TBC1D8: variants seen among roughly 807,000 people sequenced by gnomAD.
TBC1D8 encodes TBC1 domain family member 8.
Under a neutral mutation model 118.8 loss-of-function variants are expected in TBC1D8, and 65 were observed. The observed-to-expected ratio is 0.55, with a 90% confidence interval of 0.45 to 0.67. The LOEUF (loss-of-function observed/expected upper bound fraction) is 0.67. TBC1D8 is among the 30% of genes least tolerant of loss of function. The pLI, the probability that TBC1D8 is intolerant of heterozygous loss-of-function variation, is 0.00. For missense variants in TBC1D8, 1,376 were observed against 1,471.2 expected (o/e 0.94, Z 1.06); for synonymous variants, 566 against 595.8 (o/e 0.95, Z 0.73).
intron 1 of TBC1D8, among the ~76,000 whole-genome samples, chr2:101,150,207 C>A (rs1315028809): frequency 6.6e-6 from 1 of 152,182 alleles, no homozygotes; most frequent in Non-Finnish European, 1.5e-5. Context: ...GCAGAAAGAG[C>A]CGCCAACCAC....
chr2:101,111,188 T>C (rs1677563588), intron 1 of TBC1D8, among the ~76,000 whole-genome samples: 1 of 152,174 alleles, frequency 6.6e-6, no homozygotes, highest in Non-Finnish European at 1.5e-5. Context: ...TTGAATATTG[T>C]TTTTACAAAG....
intron 2 of TBC1D8, among the ~76,000 whole-genome samples, chr2:101,075,667 C>T (rs1674765686): frequency 6.6e-6 from 1 of 152,154 alleles, no homozygotes; most frequent in African/African-American, 2.4e-5. Flanking sequence ...TTCTCCTTTG[C>T]ACCTTCTGCC....
chr2:101,070,957 CTCTA>C (rs1683277551), intron 2 of TBC1D8, among the ~76,000 whole-genome samples: 1 of 152,032 alleles, frequency 6.6e-6, no homozygotes, highest in Non-Finnish European at 1.5e-5. Flanking sequence ...GTACCTAAGC[CTCTA>C]ATAGATACAT....
chr2:101,114,602 GT>G (rs1484349995), intron 1 of TBC1D8, among the ~76,000 whole-genome samples: 1 of 152,184 alleles, frequency 6.6e-6, no homozygotes, highest in African/African-American at 2.4e-5. Flanking sequence ...ACATGGTTCT[GT>G]TACAGTACCC....
At chr2:101,068,303 C>T in intron 2 of TBC1D8, 1 of 191,662 alleles carries the variant, frequency 5.2e-6, no homozygotes, top group Non-Finnish European at 1.1e-5. Flanking sequence ...AGCTGAGACA[C>T]CTGCGAAGGG....
intron 17 of TBC1D8, chr2:101,019,015 G>A (rs777363841): frequency 4.3e-6 from 7 of 1,612,446 alleles, no homozygotes; most frequent in Non-Finnish European, 5.9e-6. Context: ...GCTAAACAGT[G>A]TTACAGTCGC....
At chr2:101,020,642 A>C (rs1299909927) in intron 17 of TBC1D8, among the ~76,000 whole-genome samples, 1 of 152,230 alleles carries the variant, frequency 6.6e-6, no homozygotes, top group African/African-American at 2.4e-5. Context: ...ATAAGATGCC[A>C]GTTCAGCAAT....
At chr2:101,041,037 G>A (rs990862142) in intron 5 of TBC1D8, among the ~76,000 whole-genome samples, 27 of 152,220 alleles carry the variant, frequency 1.8e-4, no homozygotes, top group Middle Eastern at 3.2e-3. Flanking sequence ...CAAAAAGTTT[G>A]ATAACAAGTG....
At chr2:101,044,917 T>G (rs1352820482) in intron 5 of TBC1D8, among the ~76,000 whole-genome samples, 1 of 152,034 alleles carries the variant, frequency 6.6e-6, no homozygotes, top group Non-Finnish European at 1.5e-5. Context: ...CCCAGCTAAT[T>G]TTTGTATTTT....
chr2:101,089,779 T>A (rs1006998789), intron 2 of TBC1D8, among the ~76,000 whole-genome samples: 1 of 151,666 alleles, frequency 6.6e-6, no homozygotes, highest in Admixed American at 6.6e-5. Flanking sequence ...CAGGAGCACA[T>A]TGGTAAGTCA....
intron 2 of TBC1D8, among the ~76,000 whole-genome samples, chr2:101,064,829 C>T (rs1200093418): frequency 6.6e-6 from 1 of 152,088 alleles, no homozygotes; most frequent in African/African-American, 2.4e-5. Context: ...TTCCATATAC[C>T]ATACACATAA....
intron 2 of TBC1D8, among the ~76,000 whole-genome samples, chr2:101,063,173 C>T (rs950849639): frequency 1.3e-5 from 2 of 152,150 alleles, no homozygotes; most frequent in African/African-American, 4.8e-5. Context: ...CATGCGTCTT[C>T]CTCAATGATA....
chr2:101,009,966 C>T (rs1319398634), intron 19 of TBC1D8, among the ~76,000 whole-genome samples: 7 of 151,812 alleles, frequency 4.6e-5, no homozygotes, highest in South Asian at 2.1e-4. Context: ...GGACTACAGG[C>T]GCCCGCCACC....
intron 3 of TBC1D8, among the ~76,000 whole-genome samples, chr2:101,056,132 C>CT (rs1682413452): frequency 6.6e-6 from 1 of 150,974 alleles, no homozygotes; most frequent in Non-Finnish European, 1.5e-5. Flanking sequence ...CCCTGCACTA[C>CT]TTTATAAGCT....
chr2:101,036,240 G>A, intron 8 of TBC1D8, 72 bp from the exon 9 acceptor site: 1 of 1,556,596 alleles, frequency 6.4e-7, no homozygotes, highest in Non-Finnish European at 8.8e-7. Context: ...ATGCACCGCT[G>A]GCAATGGAGG....
In TBC1D8 at chr2:101,040,180, C is replaced by G; in HGVS notation, c.1078G>C (p.Glu360Gln). 6.2e-7 allele frequency: 1 copy of G among 1,613,814 alleles called. No individual in the cohort carries two copies. The change falls in exon 6 of 20, where the codon GAG becomes CAG. Residue 360 changes from glutamate to glutamine, a missense_variant and splice_region_variant. Physicochemically the swap from Glu to Gln is conservative, Grantham distance 29. Transcript: ENST00000409318. Reference protein sequence around the residue: ...GCCKIILPLREVVSIEKMEDT... With the variant: ...GCCKIILPLRQVVSIEKMEDT... Reference sequence around the variant, plus strand: ...AGCAGACAGTAGGGCCAGTCTACCTCTCTGAGTGGCAGGATGATCTTACAG... The same window carrying G: ...AGCAGACAGTAGGGCCAGTCTACCTGTCTGAGTGGCAGGATGATCTTACAG...
intron 5 of TBC1D8, among the ~76,000 whole-genome samples, chr2:101,046,929 T>C (rs1177228303): frequency 2.6e-5 from 4 of 152,212 alleles, no homozygotes; most frequent in Admixed American, 2.6e-4. Flanking sequence ...AGATTGTAAT[T>C]TGATTTAATG....
At chr2:101,083,323 T>C (rs189307225) in intron 2 of TBC1D8, among the ~76,000 whole-genome samples, 1 of 151,788 alleles carries the variant, frequency 6.6e-6, no homozygotes, top group African/African-American at 2.4e-5. Flanking sequence ...CAAAGGAGAG[T>C]TGGTGACAAG....
At chr2:101,053,122 G>A (rs990128038) in intron 4 of TBC1D8, among the ~76,000 whole-genome samples, 4 of 152,226 alleles carry the variant, frequency 2.6e-5, no homozygotes, top group African/African-American at 9.6e-5. Flanking sequence ...AGGGATCAGG[G>A]AAGGCTTTTG....
Sources: gnomAD v4.1 joint callset for allele counts (sites outside exome capture counted in the v4.1 genomes callset) on GRCh38, gnomAD v4.1.1 for gene constraint, MANE v1.5 for transcripts, NCBI Gene and HGNC (gene_info 2026-07-23, HGNC 2026-07-21) for gene names.